PLCH2: variants seen among roughly 807,000 people sequenced by gnomAD.
The protein encoded by PLCH2 is 1-phosphatidylinositol 4,5-bisphosphate phosphodiesterase eta-2.
Under a neutral mutation model 134.7 loss-of-function variants are expected in PLCH2, and 98 were observed. That is an observed-to-expected ratio of 0.73 (90% CI 0.62 to 0.86). The LOEUF is 0.86. PLCH2 is among the 40% of genes least tolerant of loss of function. PLCH2 has a pLI of 0.00. For synonymous variants in PLCH2, 974 were observed against 827.5 expected, an observed-to-expected ratio of 1.18 and a Z score of -3.04; for missense variants, 1,994 against 1,986.6, an observed-to-expected ratio of 1.00 and a Z score of -0.07.
rs1643420226 is a variant in PLCH2, at chr1:2,504,439, C to T, written c.3477C>T (p.Ser1159=). 2 of 1,612,666 alleles carry T rather than the reference C, an allele frequency of 1.2e-6. No individual in the cohort carries two copies. Among genetic ancestry groups the T allele is most frequent in the Non-Finnish European group, 1.7e-6 (2 of 1,179,786 alleles). The part of the protein sequence containing the change: ...MSSSDTVIDL[S]LPSLGLGRSR... ...CCAGCGACACTGTCATTGACCTCTC[C>T]CTGCCCAGCCTGGGCCTGGGCCGCA... The change falls in exon 22 of 22, where the codon TCC becomes TCT. Residue 1159 remains serine, a synonymous_variant. Coordinates refer to ENST00000378486, the MANE Select transcript of PLCH2 (RefSeq NM_014638.4).
At chr1:2,503,659 C>A in intron 21 of PLCH2, 3 of 692,398 alleles carry the variant, frequency 4.3e-6, no homozygotes, top group Non-Finnish European at 7.9e-6. Flanking sequence ...GGGGCCCAGC[C>A]CCGGTGTCCC....
intron 20 of PLCH2, chr1:2,501,668 G>A (rs1643231930): frequency 5.9e-6 from 1 of 168,788 alleles, no homozygotes; most frequent in African/African-American, 2.4e-5. Context: ...CCTGCCTGAG[G>A]GTGGGGCACA....
At position 2,478,583 on chromosome 1, in the gene PLCH2, A is replaced by T; in HGVS notation, c.232A>T (p.Ile78Phe). The change falls in exon 2 of 22, where the codon ATC (isoleucine) becomes TTC (phenylalanine). Residue 78 changes from isoleucine to phenylalanine, a missense_variant. Ile to Phe is a conservative substitution (Grantham distance 21). This residue lies in a region of PLCH2 where 1,094 missense variants were observed against 1,234.3 expected (regional missense o/e 0.89). Transcript: ENST00000378486. ...CTACCTGGACGAGCACCGCTCCTGC[A>T]TCCGCTGGAGGCCCTCACGCAAGAA... ...FYYLDEHRSC[I>F]RWRPSRKNEK... 6.2e-7 allele frequency: 1 copy of T among 1,612,176 alleles called. No homozygotes were observed. Among genetic ancestry groups the T allele is most frequent in the Non-Finnish European group, 8.5e-7 (1 of 1,179,558 alleles).
chr1:2,502,375 A>G lies in PLCH2; in HGVS notation c.2925A>G (p.Pro975=), dbSNP rs1260844130. 2 of 1,542,810 alleles carry G rather than the reference A, an allele frequency of 1.3e-6. No homozygotes were observed. Among genetic ancestry groups the G allele is most frequent in the Non-Finnish European group, 1.7e-6 (2 of 1,145,314 alleles). ...GGCCCGGACCTGCTCCGGAAGCCCC[A>G]GCCCAGGAGGGGCCCGGCAGCGGCA... is the stretch of plus-strand genomic sequence containing the variant. ...PPGPGPAPEA[P]AQEGPGSGSP... is the part of the protein sequence containing the mutation. Residue 975 remains proline, a synonymous_variant, in exon 21 of 22, where the codon CCA becomes CCG. Coordinates refer to ENST00000378486, the MANE Select transcript of PLCH2 (RefSeq NM_014638.4).
intron 2 of PLCH2, among the ~76,000 whole-genome samples, chr1:2,461,025 C>T (rs1252642179): frequency 6.6e-6 from 1 of 152,176 alleles, no homozygotes; most frequent in African/African-American, 2.4e-5. Flanking sequence ...CACACCCCCA[C>T]ATGGGGAGGG....
intron 5 of PLCH2, among the ~76,000 whole-genome samples, chr1:2,486,159 G>C (rs567411139): frequency 6.6e-6 from 1 of 152,312 alleles, no homozygotes; most frequent in African/African-American, 2.4e-5. Context: ...GCCTGGATAG[G>C]GGATTGGCAG....
intron 2 of PLCH2, among the ~76,000 whole-genome samples, chr1:2,433,065 G>A (rs1188240961): frequency 6.6e-6 from 1 of 152,190 alleles, no homozygotes; most frequent in African/African-American, 2.4e-5. Context: ...TGGGAGGATC[G>A]AACAGCTTGG....
chr1:2,500,008 C>T (rs1031517450), intron 20 of PLCH2: 1 of 545,530 alleles, frequency 1.8e-6, no homozygotes. Flanking sequence ...ATGCCTGTCT[C>T]AGACTCTTGG....
chr1:2,421,210 G>T (rs942701236), upstream of PLCH2, among the ~76,000 whole-genome samples: 6 of 152,142 alleles, frequency 3.9e-5, no homozygotes, highest in Non-Finnish European at 8.8e-5. Flanking sequence ...CTCCCAAAGT[G>T]CTGGGGTTAC....
At chr1:2,433,654 G>A (rs1164469605) in intron 2 of PLCH2, among the ~76,000 whole-genome samples, 1 of 152,218 alleles carries the variant, frequency 6.6e-6, no homozygotes, top group Non-Finnish European at 1.5e-5. Flanking sequence ...TATGTTGGCG[G>A]CTCTTGTATG....
intron 1 of PLCH2, among the ~76,000 whole-genome samples, chr1:2,469,878 G>C (rs1273567247): frequency 1.3e-5 from 2 of 152,252 alleles, no homozygotes; most frequent in Non-Finnish European, 2.9e-5. Flanking sequence ...GGTGGCCGCA[G>C]GCATGGCTCC....
At chr1:2,421,866 C>T (rs1041009459), upstream of PLCH2, among the ~76,000 whole-genome samples, 4 of 151,958 alleles carry the variant, frequency 2.6e-5, no homozygotes, top group African/African-American at 9.7e-5. Context: ...CTCAGCTACA[C>T]AGGAGGCTGA....
chr1:2,483,832 G>GGGGGTGGCGCTGACCCCCGTGT (rs1558004907), intron 4 of PLCH2, among the ~76,000 whole-genome samples: 1 of 25,638 alleles, frequency 3.9e-5, no homozygotes, highest in Non-Finnish European at 8.1e-5. Flanking sequence ...ACCCCCGTGT[G>GGGGGTGGCGCTGACCCCCGTGT]GGGGTGGCGC....
rs970527520 is a variant in PLCH2, at chr1:2,444,996, G to C, written c.115+14367G>C. Among the ~76,000 whole-genome samples the C allele has an allele frequency of 6.6e-6, 1 of 152,144 alleles. No individual in the cohort carries two copies. Among genetic ancestry groups the C allele is most frequent in the African/African-American group, 2.4e-5 (1 of 41,414 alleles). On this transcript the variant is annotated intron_variant, in intron 2 of 3. Coordinates refer to the PLCH2 transcript ENST00000609981. This position sits in a 1 kb window ranked among gnomAD's most constrained non-coding sequence, Gnocchi z 4.6. ...CCGGGGAGGGGCAAGTCAGAGGGCG[G>C]AGGCCACTGTCCTATCTCCTGCTTG...
chr1:2,496,179 G>A (rs935473847), intron 13 of PLCH2, among the ~76,000 whole-genome samples: 14 of 152,060 alleles, frequency 9.2e-5, no homozygotes, highest in African/African-American at 2.9e-4. Context: ...CGTGCCAGCC[G>A]GGCTCTGCCC....
rs1474933660 is a variant in PLCH2, at chr1:2,436,540, C to CT, written c.115+5911_115+5912insT. Among the ~76,000 whole-genome samples, 172 of 79,652 alleles carry CT rather than the reference C, an allele frequency of 2.2e-3. 5 individuals are homozygous for CT. Among genetic ancestry groups the CT allele is most frequent in the East Asian group, 7.9e-3 (11 of 1,388 alleles). The allele number at this position is 79,652 out of a possible 152,430, so 52.3% of individuals were successfully genotyped here. A position where few individuals can be genotyped will look rare whatever the true frequency, so the allele number is the denominator to read the frequency against. On this transcript the variant is annotated intron_variant, in intron 2 of 3. Transcript: ENST00000609981. ...CTCCCTCCTCCTTTCCTCCTTCCTC[C>CT]CTCCTCCCTTCCTCCCTCCACCTTT...
intron 2 of PLCH2, among the ~76,000 whole-genome samples, chr1:2,459,667 TGTGGTCTTCCTTTCCG>T (rs1454403879): frequency 4.2e-4 from 11 of 26,062 alleles, no homozygotes; most frequent in Admixed American, 1.5e-3. Context: ...CCTCCTTGCC[TGTGGTCTTCCTTTCCG>T]GTGGTCTTCC....
chr1:2,473,253 C>T (rs965908642), upstream of PLCH2, among the ~76,000 whole-genome samples: 24 of 152,196 alleles, frequency 1.6e-4, no homozygotes, highest in South Asian at 6.2e-4. Context: ...AACCCAAGGT[C>T]GGGGGGCAGG....
At position 2,504,299 on chromosome 1, in the gene PLCH2, G is replaced by A. The variant is rs114371513; in HGVS notation, c.3337G>A (p.Ala1113Thr). 0.027 allele frequency: 43,629 copies of A among 1,600,924 alleles called. 684 individuals are homozygous for A. Among genetic ancestry groups the A allele is most frequent in the Non-Finnish European group, 0.031 (36,903 of 1,175,318 alleles). Residue 1113 changes from alanine (A) to threonine (T), a missense_variant, in exon 22 of 22, where the codon GCT (alanine) becomes ACT (threonine). Around this residue, in one of 2 missense-constraint regions of PLCH2, gnomAD observed 900 missense variants for 752.3 expected, o/e 1.20. Transcript: ENST00000378486. ...EPLGGWRPLA[A>T]PFPAPAVYSD... The stretch of plus-strand genomic sequence containing the variant: ...CCTGGGAGGGTGGCGGCCCCTGGCC[G>A]CTCCCTTTCCAGCTCCTGCCGTGTA...
Sources: allele counts gnomAD v4.1 joint callset (sites outside exome capture counted in the v4.1 genomes callset), GRCh38; gene constraint gnomAD v4.1.1; regional missense constraint gnomAD v4.1.1; non-coding constraint Gnocchi (gnomAD v3.1); transcripts MANE v1.5; gene names NCBI Gene and HGNC (gene_info 2026-07-23, HGNC 2026-07-21).